SH2D3C: variants seen among roughly 807,000 people sequenced by gnomAD.
SH2D3C encodes the protein SH2 domain-containing protein 3C.
SH2D3C carries 25 observed loss-of-function variants against 75.2 expected under a neutral mutation model. That is an observed-to-expected ratio of 0.33 (90% confidence interval 0.24 to 0.46). The LOEUF (loss-of-function observed/expected upper bound fraction) is 0.46, where lower values mean the gene tolerates loss of function less well. Ranked by LOEUF, SH2D3C falls within the 20% of genes least tolerant of loss-of-function variation. The pLI is 1.00. For synonymous variants in SH2D3C, 450 were observed against 473.7 expected (o/e 0.95, Z 0.65); for missense variants, 933 against 1,165.3 (o/e 0.80, Z 2.90).
Position 127,744,814 on chromosome 9 carries a change from T to G in SH2D3C, c.1550A>C (p.Gln517Pro). The change falls in exon 7 of 12, where the codon CAG (glutamine) becomes CCG (proline). Residue 517 changes from glutamine to proline, a missense_variant. Coordinates refer to ENST00000314830, the MANE Select transcript of SH2D3C (RefSeq NM_170600.3). ...TAGCCTCTCCCCATAGCTCCTGGCCTGCTGGCTGGAGGTCTCAGTCGCTGC... is the reference window on the plus strand; with the variant it reads ...TAGCCTCTCCCCATAGCTCCTGGCCGGCTGGCTGGAGGTCTCAGTCGCTGC... ...EWAATETSSQ[Q>P]ARSYGERLKE... The G allele has an allele frequency of 1.2e-6, 2 of 1,614,192 alleles. No individual in the cohort carries two copies. The highest frequency in any genetic ancestry group is 1.7e-6 in the Non-Finnish European group (2 of 1,180,040).
chr9:127,759,208 A>G (rs1845466801), intron 3 of SH2D3C, among the ~76,000 whole-genome samples: 1 of 152,060 alleles, frequency 6.6e-6, no homozygotes. Context: ...ATCAGCCTAC[A>G]TCATGCTTTT....
At chr9:127,744,388 GGAGGCCCAGT>G (rs2131741084) in intron 7 of SH2D3C, among the ~76,000 whole-genome samples, 166 bp downstream of exon 7, 1 of 152,162 alleles carries the variant, frequency 6.6e-6, no homozygotes, top group South Asian at 2.1e-4. Flanking sequence ...AGGAGAAACT[GGAGGCCCAGT>G]GAGGCTAAAT....
chr9:127,777,398 A>G (rs1274667263), intron 1 of SH2D3C, among the ~76,000 whole-genome samples: 1 of 151,960 alleles, frequency 6.6e-6, no homozygotes, highest in Non-Finnish European at 1.5e-5. Context: ...ACAGCATCCC[A>G]TGACACCCCC....
rs1844786235 is a variant in SH2D3C at position 127,739,557 on chromosome 9, G to A, written c.2407+125C>T. 1.3e-6 allele frequency: 1 copy of A among 771,442 alleles called. No homozygotes were observed. Among genetic ancestry groups the A allele is most frequent in the Non-Finnish European group, 2.0e-6 (1 of 493,652 alleles). 47.8% of individuals were successfully genotyped at this position (771,442 alleles called of 1,614,324 possible). On this transcript the variant is annotated intron_variant, in intron 11 of 11. Transcript: ENST00000314830. The surrounding 1 kb of genome is among the most constrained non-coding windows in gnomAD (Gnocchi z 4.3). ...GAAAAGACATGAGAGGAAGGGGTCA[G>A]GGAGACAGGGCAGGACAGAGGAGTG...
At chr9:127,740,227 G>T (rs1238990567) in intron 10 of SH2D3C, 31 bp downstream of exon 10, 1 of 1,579,508 alleles carries the variant, frequency 6.3e-7, no homozygotes, top group Non-Finnish European at 8.7e-7. Flanking sequence ...GAGGGCTGCA[G>T]CCTGTCCAAG....
intron 2 of SH2D3C, among the ~76,000 whole-genome samples, chr9:127,768,108 G>A (rs189595611): frequency 7.8e-4 from 119 of 152,266 alleles, no homozygotes; most frequent in Non-Finnish European, 1.2e-3. Context: ...GGGCCCCTTC[G>A]GAAGACAAGG....
rs1415125125 is a variant in SH2D3C at position 127,749,927 on chromosome 9, A to C, written c.685-262T>G. ...GACCCAACACCTTGGAATGGGAGGC[A>C]CAGAGGCCCAGGGTCTGGAGGAGTG... On this transcript the variant is annotated intron_variant, in intron 4 of 11. Transcript: ENST00000314830. This position sits in a 1 kb window ranked among gnomAD's most constrained non-coding sequence, Gnocchi z 5.9. Among the ~76,000 whole-genome samples the C allele has an allele frequency of 1.3e-5, 2 of 152,110 alleles. No homozygotes were observed. The highest frequency in any genetic ancestry group is 2.4e-5 in the African/African-American group (1 of 41,412).
chr9:127,755,375 C>T (rs1354969790), intron 3 of SH2D3C: 1 of 361,378 alleles, frequency 2.8e-6, no homozygotes, highest in Admixed American at 5.1e-5. Context: ...CCTCCCTCCG[C>T]CCGCCCCCCG....
chr9:127,748,427 A>T (rs569105262), intron 5 of SH2D3C, among the ~76,000 whole-genome samples: 60 of 152,366 alleles, frequency 3.9e-4, no homozygotes, highest in Non-Finnish European at 7.2e-4. Context: ...TGCAGGTGGC[A>T]CAGGACAGCA....
At chr9:127,752,737 T>C (rs1289434708) in intron 3 of SH2D3C, among the ~76,000 whole-genome samples, 2 of 152,020 alleles carry the variant, frequency 1.3e-5, no homozygotes, top group Non-Finnish European at 2.9e-5. Context: ...ATTGACTAGG[T>C]CCCTATCCTG....
At chr9:127,755,057 G>A in intron 3 of SH2D3C, 1 of 1,159,560 alleles carries the variant, frequency 8.6e-7, no homozygotes, top group Non-Finnish European at 1.1e-6. Flanking sequence ...CGCGCGTGGC[G>A]GGGGCCGAGC....
At chr9:127,760,050 G>C (rs1024341851) in intron 3 of SH2D3C, among the ~76,000 whole-genome samples, 1 of 151,830 alleles carries the variant, frequency 6.6e-6, no homozygotes, top group South Asian at 2.1e-4. Context: ...CAGGGACTTA[G>C]GAGGCTAAGG....
chr9:127,739,615 G>C lies in SH2D3C; in HGVS notation c.2407+67C>G. 3 of 1,424,224 alleles carry C rather than the reference G, an allele frequency of 2.1e-6. No homozygotes were observed. Among genetic ancestry groups the C allele is most frequent in the Non-Finnish European group, 2.9e-6 (3 of 1,033,612 alleles). The allele number at this position is 1,424,224 out of a possible 1,614,324, so 88.2% of individuals were successfully genotyped here. ...GTGAATGGATGCCTTGGAGAAAAGG[G>C]AAGCAGTGAGGCAGGTGGAGGGAGG... On this transcript the variant is annotated intron_variant, in intron 11 of 11. Coordinates refer to ENST00000314830, the MANE Select transcript of SH2D3C (RefSeq NM_170600.3). The surrounding 1 kb of genome is among the most constrained non-coding windows in gnomAD (Gnocchi z 4.3).
At chr9:127,771,441 A>G (rs1845738094) in intron 2 of SH2D3C, 3 of 1,197,448 alleles carry the variant, frequency 2.5e-6, no homozygotes, top group Admixed American at 4.0e-5. Context: ...TCCGCCTCGA[A>G]CACGGCCCTC....
At chr9:127,762,260 C>G (rs557113529) in intron 2 of SH2D3C, 28 of 1,237,146 alleles carry the variant, frequency 2.3e-5, no homozygotes, top group Non-Finnish European at 2.6e-5. Flanking sequence ...AGGCCAGAGA[C>G]GGCTGTTTTT....
chr9:127,744,854 C>T lies in SH2D3C; in HGVS notation c.1510G>A (p.Gly504Ser), dbSNP rs1003205338. 3 of 1,613,982 alleles carry T rather than the reference C, an allele frequency of 1.9e-6. No individual in the cohort carries two copies. The highest frequency in any genetic ancestry group is 2.7e-5 in the African/African-American group (2 of 74,906). Reference sequence around the variant, plus strand: ...TCAGTCGCTGCCCACTCTCGGCTGCCACGCACGGGAGGCTGGAGCTGGCAG... The same window carrying T: ...TCAGTCGCTGCCCACTCTCGGCTGCTACGCACGGGAGGCTGGAGCTGGCAG... Reference protein sequence around the residue: ...HYCQLQPPVRGSREWAATETS... With the variant: ...HYCQLQPPVRSSREWAATETS... Residue 504 changes from glycine to serine, a missense_variant, in exon 7 of 12, where the codon GGC becomes AGC. Transcript: ENST00000314830.
intron 2 of SH2D3C, among the ~76,000 whole-genome samples, chr9:127,762,712 C>T (rs1845558773): frequency 6.6e-6 from 1 of 152,194 alleles, no homozygotes; most frequent in Admixed American, 6.5e-5. Flanking sequence ...TCCACTGCCA[C>T]CCACAGTCAG....
At chr9:127,745,929 T>G (rs1319401335) in intron 6 of SH2D3C, among the ~76,000 whole-genome samples, 2 of 152,202 alleles carry the variant, frequency 1.3e-5, no homozygotes, top group Non-Finnish European at 2.9e-5. Context: ...TGCAAGACCC[T>G]TCTTTGTACC....
chr9:127,755,014 C>A, intron 3 of SH2D3C: 7 of 783,414 alleles, frequency 8.9e-6, no homozygotes, highest in Non-Finnish European at 1.2e-5. Flanking sequence ...GGCTCTAGGG[C>A]CCCGGGCGGA....
Sources: allele counts gnomAD v4.1 joint callset (sites outside exome capture counted in the v4.1 genomes callset), GRCh38; gene constraint gnomAD v4.1.1; non-coding constraint Gnocchi (gnomAD v3.1); transcripts MANE v1.5; gene names NCBI Gene and HGNC (gene_info 2026-07-23, HGNC 2026-07-21).